The following ATP8A2 variants were observed in gnomAD, a reference collection of about 807,000 sequenced individuals.
The protein encoded by ATP8A2 is ATPase phospholipid transporting 8A2.
In ATP8A2, 100 loss-of-function variants were observed where a neutral mutation model predicts 165.6. The ratio of observed to expected loss-of-function variants is 0.60; its 90% confidence interval spans 0.51 to 0.71. ATP8A2 has a LOEUF of 0.71. ATP8A2 is among the 30% of genes least tolerant of loss of function. The probability of loss-of-function intolerance (pLI) is 0.00; values close to 1 mark genes in which losing one functional copy is unlikely to be tolerated. For missense variants in ATP8A2, 1,227 were observed against 1,479.5 expected (o/e 0.83, Z 2.80); for synonymous variants, 543 against 548.8 (o/e 0.99, Z 0.15).
At chr13:25,539,869 C>G (rs892761028) in intron 7 of ATP8A2, among the ~76,000 whole-genome samples, 1 of 152,186 alleles carries the variant, frequency 6.6e-6, no homozygotes, top group Non-Finnish European at 1.5e-5. Flanking sequence ...CCTTGCCAAG[C>G]CTGTGCCTCG....
At chr13:25,758,628 C>T (rs1229591833) in intron 25 of ATP8A2, among the ~76,000 whole-genome samples, 1 of 152,170 alleles carries the variant, frequency 6.6e-6, no homozygotes, top group Non-Finnish European at 1.5e-5. Context: ...AGGCAGGCCC[C>T]CATGTACCTA....
chr13:25,459,720 A>G (rs920614509), intron 1 of ATP8A2, among the ~76,000 whole-genome samples: 6 of 152,180 alleles, frequency 3.9e-5, no homozygotes, highest in Admixed American at 3.9e-4. Context: ...ATTCTAGGTG[A>G]AGAAAAAGCA....
intron 24 of ATP8A2, among the ~76,000 whole-genome samples, chr13:25,663,493 C>T (rs567547367): frequency 4.0e-4 from 61 of 152,254 alleles, no homozygotes; most frequent in African/African-American, 7.2e-4. Context: ...AATATTCACA[C>T]GGCCTCATCA....
intron 25 of ATP8A2, among the ~76,000 whole-genome samples, chr13:25,747,172 G>A (rs2044050847): frequency 6.6e-6 from 1 of 152,172 alleles, no homozygotes; most frequent in Non-Finnish European, 1.5e-5. Context: ...TGGAAGGAGG[G>A]ATCAGTAGAA....
At position 25,953,737 on chromosome 13, in the gene ATP8A2, G is replaced by A. The variant is rs1006706165; in HGVS notation, c.3184-7838G>A. On this transcript the variant is annotated intron_variant, in intron 33 of 36. Coordinates refer to ENST00000381655, the MANE Select transcript of ATP8A2 (RefSeq NM_016529.6). The surrounding 1 kb of genome is among the most constrained non-coding windows in gnomAD (Gnocchi z 6.7). Reference sequence around the variant, plus strand: ...GCAGGGTGGGGCGTTGCCTCACCCGGGAAGCACAGGGGATTGAGGAACTCC... The same window carrying A: ...GCAGGGTGGGGCGTTGCCTCACCCGAGAAGCACAGGGGATTGAGGAACTCC... Among the ~76,000 whole-genome samples, 3 of 152,008 alleles carry A rather than the reference G, an allele frequency of 2.0e-5. No homozygotes were observed. Among genetic ancestry groups the A allele is most frequent in the Admixed American group, 6.6e-5 (1 of 15,258 alleles).
chr13:26,000,301 C>T (rs891394501), intron 35 of ATP8A2, among the ~76,000 whole-genome samples: 4 of 152,144 alleles, frequency 2.6e-5, no homozygotes, highest in Non-Finnish European at 4.4e-5. Context: ...GCTGTGATTC[C>T]GGTCAGTTGT....
chr13:25,654,142 C>T (rs2041875722), intron 24 of ATP8A2, among the ~76,000 whole-genome samples: 1 of 152,156 alleles, frequency 6.6e-6, no homozygotes, highest in Non-Finnish European at 1.5e-5. Context: ...TTTGCTCATT[C>T]ATAGAATACC....
At chr13:25,473,110 C>T (rs1185403898) in intron 2 of ATP8A2, among the ~76,000 whole-genome samples, 1 of 152,160 alleles carries the variant, frequency 6.6e-6, no homozygotes, top group African/African-American at 2.4e-5. Flanking sequence ...ATTGTGGCCT[C>T]AGCACCCCCA....
At chr13:25,838,155 G>A (rs1235988292) in intron 29 of ATP8A2, among the ~76,000 whole-genome samples, 1 of 152,198 alleles carries the variant, frequency 6.6e-6, no homozygotes, top group East Asian at 1.9e-4. Context: ...TGGCGGTCAT[G>A]ATTTGCGTGC....
chr13:25,514,931 G>T (rs969112195), intron 2 of ATP8A2, among the ~76,000 whole-genome samples: 4 of 152,254 alleles, frequency 2.6e-5, no homozygotes, highest in African/African-American at 9.6e-5. Context: ...AACTCGACAG[G>T]GCTATGGGGT....
chr13:25,744,057 G>A (rs906774030), intron 25 of ATP8A2, among the ~76,000 whole-genome samples: 1 of 152,160 alleles, frequency 6.6e-6, no homozygotes, highest in Admixed American at 6.5e-5. Flanking sequence ...CTTATATTGT[G>A]GGTCTGGTTT....
At chr13:25,829,668 G>GTGTA (rs1312948758) in intron 28 of ATP8A2, among the ~76,000 whole-genome samples, 43 of 63,416 alleles carry the variant, frequency 6.8e-4, no homozygotes, top group African/African-American at 2.4e-3. Flanking sequence ...GACAGGTGTG[G>GTGTA]TATATATATA....
intron 25 of ATP8A2, among the ~76,000 whole-genome samples, chr13:25,756,051 T>G (rs1239370900): frequency 6.6e-6 from 1 of 152,156 alleles, no homozygotes; most frequent in Non-Finnish European, 1.5e-5. Context: ...TGAGAGGCCT[T>G]AAAGCCAGGA....
At chr13:25,580,323 C>G (rs2039740085) in intron 22 of ATP8A2, among the ~76,000 whole-genome samples, 1 of 152,226 alleles carries the variant, frequency 6.6e-6, no homozygotes, top group African/African-American at 2.4e-5. Flanking sequence ...CTCGCACTAA[C>G]TTATTCTAAT....
chr13:25,886,700 T>C (rs879609303), intron 33 of ATP8A2, among the ~76,000 whole-genome samples: 44 of 152,338 alleles, frequency 2.9e-4, no homozygotes, highest in Non-Finnish European at 4.7e-4. Context: ...AGCCTCTTCG[T>C]GCCATCTGAT....
At chr13:25,877,871 G>T (rs1337390431) in intron 33 of ATP8A2, among the ~76,000 whole-genome samples, 1 of 152,184 alleles carries the variant, frequency 6.6e-6, no homozygotes, top group African/African-American at 2.4e-5. Flanking sequence ...GCTTTCAATT[G>T]CTGACAAAGG....
At chr13:25,513,418 C>G (rs543424389) in intron 2 of ATP8A2, among the ~76,000 whole-genome samples, 1 of 143,296 alleles carries the variant, frequency 7.0e-6, no homozygotes, top group Non-Finnish European at 1.6e-5. Flanking sequence ...GGAAGAGGCG[C>G]TCCTCACTTC....
intron 24 of ATP8A2, among the ~76,000 whole-genome samples, chr13:25,680,196 GA>G (rs2042455533): frequency 6.6e-6 from 1 of 152,172 alleles, no homozygotes; most frequent in Non-Finnish European, 1.5e-5. Context: ...ACCTGGTTTG[GA>G]AATAGAATCA....
intron 25 of ATP8A2, among the ~76,000 whole-genome samples, chr13:25,758,974 AAGAAAGAGAG>A (rs769233521): frequency 1.8e-4 from 27 of 152,138 alleles, no homozygotes; most frequent in Non-Finnish European, 3.5e-4. Flanking sequence ...CTTCCAAATT[AAGAAAGAGAG>A]AGAAAGAGAG....
Sources: allele counts gnomAD v4.1 joint callset (sites outside exome capture counted in the v4.1 genomes callset), GRCh38; gene constraint gnomAD v4.1.1; non-coding constraint Gnocchi (gnomAD v3.1); transcripts MANE v1.5; gene names NCBI Gene and HGNC (gene_info 2026-07-23, HGNC 2026-07-21).